Variants in CDH12 observed in about 807,000 individuals in gnomAD.
CDH12 encodes the protein cadherin 12.
A neutral mutation model predicts 74.1 loss-of-function variants in CDH12; 41 were observed. That is an observed-to-expected ratio of 0.55 (90% CI 0.43 to 0.72). The LOEUF (loss-of-function observed/expected upper bound fraction) is 0.72, where lower values mean the gene tolerates loss of function less well. Among genes scored for constraint, CDH12 ranks in the 30% least tolerant of loss-of-function variants. The pLI is 0.00. For missense variants in CDH12, 945 were observed against 977.2 expected, an observed-to-expected ratio of 0.97 and a Z score of 0.44; for synonymous variants, 399 against 355.0, an observed-to-expected ratio of 1.12 and a Z score of -1.39.
intron 1 of CDH12, among the ~76,000 whole-genome samples, chr5:22,577,213 A>G (rs1008430531): frequency 6.6e-6 from 1 of 151,864 alleles, no homozygotes; most frequent in South Asian, 2.1e-4. Context: ...CCTCATCTAT[A>G]AAAAAACGGG....
At chr5:22,483,950 G>A (rs1229190668) in intron 2 of CDH12, among the ~76,000 whole-genome samples, 1 of 149,670 alleles carries the variant, frequency 6.7e-6, no homozygotes, top group African/African-American at 2.5e-5. Context: ...ATAAGATCGG[G>A]AATTCCAAAT....
At chr5:22,842,014 T>C (rs1400985127) in intron 1 of CDH12, among the ~76,000 whole-genome samples, 1 of 152,080 alleles carries the variant, frequency 6.6e-6, no homozygotes, top group African/African-American at 2.4e-5. Flanking sequence ...ACAATAATCA[T>C]GTAGGTGGCA....
chr5:22,375,805 G>GA (rs530693221), intron 3 of CDH12, among the ~76,000 whole-genome samples: 197 of 147,724 alleles, frequency 1.3e-3, no homozygotes, highest in African/African-American at 3.7e-3. Flanking sequence ...CAAACAAACA[G>GA]AAAAAAAAAC....
At chr5:21,819,483 TTG>T (rs1748244530) in intron 8 of CDH12, among the ~76,000 whole-genome samples, 1 of 151,982 alleles carries the variant, frequency 6.6e-6, no homozygotes, top group South Asian at 2.1e-4. Context: ...TTGCCTCTTG[TTG>T]TGTGACTGTG....
chr5:21,759,716 C>G (rs1227443014), intron 13 of CDH12, among the ~76,000 whole-genome samples: 1 of 151,684 alleles, frequency 6.6e-6, no homozygotes, highest in African/African-American at 2.4e-5. Flanking sequence ...TTGAGGGTAA[C>G]GTGAAGGTGT....
At chr5:22,375,860 T>TG (rs57605232) in intron 3 of CDH12, among the ~76,000 whole-genome samples, 152,172 of 152,232 alleles carry the variant, frequency 1, 76,056 homozygotes, top group Middle Eastern at 1. Context: ...ATACACTTAG[T>TG]GGAATGTAAA....
chr5:21,799,067 C>G (rs1746966457), intron 10 of CDH12, among the ~76,000 whole-genome samples: 2 of 152,058 alleles, frequency 1.3e-5, no homozygotes, highest in African/African-American at 4.8e-5. Flanking sequence ...AATAACAACT[C>G]AACAGTCATA....
chr5:21,995,728 A>T (rs1216525887), intron 5 of CDH12, among the ~76,000 whole-genome samples: 1 of 151,704 alleles, frequency 6.6e-6, no homozygotes, highest in Admixed American at 6.6e-5. Flanking sequence ...GGCTACTCCA[A>T]GCTAACCTCT....
At chr5:22,830,108 G>A (rs1046821092) in intron 1 of CDH12, among the ~76,000 whole-genome samples, 1 of 152,048 alleles carries the variant, frequency 6.6e-6, no homozygotes, top group Non-Finnish European at 1.5e-5. Context: ...TTCCTCAGGC[G>A]ATATCATCAA....
chr5:22,266,714 C>T (rs1277139775), intron 3 of CDH12, among the ~76,000 whole-genome samples: 4 of 152,000 alleles, frequency 2.6e-5, no homozygotes, highest in East Asian at 1.9e-4. Context: ...GTATTTTATG[C>T]TACTGATTAA....
At chr5:22,136,817 A>G (rs1746493325) in intron 4 of CDH12, among the ~76,000 whole-genome samples, 1 of 151,794 alleles carries the variant, frequency 6.6e-6, no homozygotes, top group Non-Finnish European at 1.5e-5. Flanking sequence ...GACATAAACA[A>G]AAGTGGGAAG....
chr5:22,307,873 G>GTTTTTTTTT lies in CDH12; in HGVS notation c.-332-95239_-332-95231dup, dbSNP rs35242143. On this transcript the variant is annotated intron_variant, in intron 3 of 14. Transcript: ENST00000382254. Reference sequence around the variant, plus strand: ...TATATATTTTTGCTGCTTTCTTTTAGTTTTTTTTTTTTTTTTTTTTTTTTT... The same window carrying GTTTTTTTTT: ...TATATATTTTTGCTGCTTTCTTTTAGTTTTTTTTTTTTTTTTTTTTTTTTTTTTTTTTTT... Among the ~76,000 whole-genome samples the GTTTTTTTTT allele has an allele frequency of 7.0e-4, 48 of 68,676 alleles. 5 individuals are homozygous for GTTTTTTTTT. The highest frequency in any genetic ancestry group is 1.4e-3 in the Admixed American group (5 of 3,582). 45.1% of individuals were successfully genotyped at this position (68,676 alleles called of 152,430 possible).
chr5:21,877,417 T>C (rs1209634488), intron 6 of CDH12, among the ~76,000 whole-genome samples: 2 of 152,150 alleles, frequency 1.3e-5, no homozygotes, highest in Non-Finnish European at 2.9e-5. Flanking sequence ...TTTATTTATC[T>C]ATTTATTTAT....
chr5:22,797,573 C>T (rs965087946), intron 1 of CDH12, among the ~76,000 whole-genome samples: 9 of 151,990 alleles, frequency 5.9e-5, no homozygotes, highest in African/African-American at 2.2e-4. Flanking sequence ...AAAAGCAGAA[C>T]AAGAAACAAG....
At chr5:21,868,615 A>G (rs1484927609) in intron 6 of CDH12, among the ~76,000 whole-genome samples, 1 of 152,186 alleles carries the variant, frequency 6.6e-6, no homozygotes, top group East Asian at 1.9e-4. Context: ...ACTTGAGAAT[A>G]GTTACCCCTT....
intron 5 of CDH12, among the ~76,000 whole-genome samples, chr5:22,020,002 A>T (rs1382863719): frequency 1.3e-5 from 2 of 152,162 alleles, no homozygotes; most frequent in African/African-American, 4.8e-5. Flanking sequence ...GATACATAGC[A>T]TTGGAGACGA....
intron 5 of CDH12, among the ~76,000 whole-genome samples, chr5:21,990,860 C>A (rs1344074795): frequency 6.6e-6 from 1 of 151,860 alleles, no homozygotes; most frequent in Non-Finnish European, 1.5e-5. Context: ...GGTCATCTAA[C>A]CCCATGTGTC....
chr5:21,777,461 T>C (rs759638477), intron 11 of CDH12, among the ~76,000 whole-genome samples: 1 of 152,130 alleles, frequency 6.6e-6, no homozygotes. Context: ...AAATATTTAG[T>C]CTTTTTTACT....
At chr5:22,793,008 C>A (rs1157241440) in intron 1 of CDH12, among the ~76,000 whole-genome samples, 1 of 152,192 alleles carries the variant, frequency 6.6e-6, no homozygotes, top group Non-Finnish European at 1.5e-5. Context: ...TGACCATGCA[C>A]CCCAAGGTAT....
Sources: gnomAD v4.1 joint callset for allele counts (sites outside exome capture counted in the v4.1 genomes callset) on GRCh38, gnomAD v4.1.1 for gene constraint, MANE v1.5 for transcripts, NCBI Gene and HGNC (gene_info 2026-07-23, HGNC 2026-07-21) for gene names.